The following WDR33 variants were observed in gnomAD, a reference collection of about 807,000 sequenced individuals.
WDR33 encodes the protein pre-mRNA 3' end processing protein WDR33.
WDR33 carries 47 observed loss-of-function variants against 164.9 expected under a neutral mutation model. The ratio of observed to expected loss-of-function variants is 0.29; its 90% confidence interval spans 0.23 to 0.36. The LOEUF (loss-of-function observed/expected upper bound fraction) is 0.36. WDR33 is among the 10% of genes least tolerant of loss of function. The pLI is 1.00. For missense variants in WDR33, 1,137 were observed against 1,754.1 expected (o/e 0.65, Z 6.28); for synonymous variants, 505 against 589.0 (o/e 0.86, Z 2.06).
intron 1 of WDR33, among the ~76,000 whole-genome samples, chr2:127,788,453 G>A (rs1452896895): frequency 4.0e-5 from 5 of 123,890 alleles, no homozygotes; most frequent in East Asian, 2.6e-4. Flanking sequence ...CCCGGACGGG[G>A]CGGCTGGCCG....
intron 1 of WDR33, among the ~76,000 whole-genome samples, chr2:127,805,251 T>C (rs1689395215): frequency 6.6e-6 from 1 of 151,692 alleles, no homozygotes; most frequent in African/African-American, 2.4e-5. Context: ...CATTTTTTTT[T>C]CTTTTTTTAA....
rs547909506 is a variant in WDR33, at chr2:127,752,915, C to CTTTA, written c.724+10143_724+10146dup. Reference sequence around the variant, plus strand: ...AAACTATTTAAATCCACTTATAAGACTTTATTTATTTATTTATTTATTTAT... The same window carrying CTTTA: ...AAACTATTTAAATCCACTTATAAGACTTTATTTATTTATTTATTTATTTATTTAT... On this transcript the variant is annotated intron_variant, in intron 7 of 21. Coordinates refer to ENST00000322313, the MANE Select transcript of WDR33 (RefSeq NM_018383.5). 7.5e-3 allele frequency among the ~76,000 whole-genome samples: 1,137 copies of CTTTA among 152,060 alleles called. 9 individuals are homozygous for CTTTA. The highest frequency in any genetic ancestry group is 0.024 in the African/African-American group (1,012 of 41,500).
chr2:127,701,763 G>T lies in WDR33; in HGVS notation c.*4560C>A, dbSNP rs1332547671. On this transcript the variant is annotated 3_prime_UTR_variant, in exon 22 of 22. Transcript: ENST00000322313. ...CGTGACGCGCGGGCAGCGGCTGGCG[G>T]CGGGCGGCGGGTGCCTGCTGCTGGC... The T allele has an allele frequency of 7.0e-7, 1 of 1,424,094 alleles. No individual in the cohort carries two copies. Among genetic ancestry groups the T allele is most frequent in the Non-Finnish European group, 9.2e-7 (1 of 1,088,538 alleles). The allele number at this position is 1,424,094 out of a possible 1,614,324, so 88.2% of individuals were successfully genotyped here.
At position 127,719,780 on chromosome 2, in the gene WDR33, T is replaced by C. The variant is rs189934915; in HGVS notation, c.2245A>G (p.Met749Val). The C allele has an allele frequency of 4.3e-6, 7 of 1,613,748 alleles. No individual in the cohort carries two copies. The highest frequency in any genetic ancestry group is 2.7e-5 in the African/African-American group (2 of 75,030). ...CCATGAGGATGAGGAGGCCCTTGCA[T>C]TCCTCTGGGACCAGGTGGTCCCTGC... ...GMQGPPGPRG[M>V]QGPPHPHGIQ... The change falls in exon 16 of 22, where the codon ATG becomes GTG. Residue 749 changes from methionine (M) to valine (V), a missense_variant. Met to Val is a conservative substitution (Grantham distance 21, BLOSUM62 1). Around this residue, in one of 9 missense-constraint regions of WDR33, gnomAD observed 867 missense variants for 1,073.0 expected, o/e 0.81. Coordinates refer to ENST00000322313, the MANE Select transcript of WDR33 (RefSeq NM_018383.5). This position sits in a 1 kb window ranked among gnomAD's most constrained non-coding sequence, Gnocchi z 6.5.
chr2:127,716,005 G>T lies in WDR33; in HGVS notation c.2869+1150C>A, dbSNP rs1269160421. On this transcript the variant is annotated intron_variant, in intron 17 of 21. Coordinates refer to ENST00000322313, the MANE Select transcript of WDR33 (RefSeq NM_018383.5). This position sits in a 1 kb window ranked among gnomAD's most constrained non-coding sequence, Gnocchi z 4.5. ...AGGGAAGGAGGTGGAGACAGACACA[G>T]GGCAGGGAGAGGAAGAGAGGCAGCT... 6.6e-6 allele frequency among the ~76,000 whole-genome samples: 1 copy of T among 152,150 alleles called. No homozygotes were observed. The highest frequency in any genetic ancestry group is 1.5e-5 in the Non-Finnish European group (1 of 68,018).
At position 127,714,096 on chromosome 2, in the gene WDR33, T is replaced by A; in HGVS notation, c.2870-75A>T. ...ACATAGGTCTGATCTGTAGCATCTC[T>A]ACATTTCAGAATACATTCTTTATTG... is the stretch of plus-strand genomic sequence containing the variant. On this transcript the variant is annotated intron_variant, in intron 17 of 21. Coordinates refer to ENST00000322313, the MANE Select transcript of WDR33 (RefSeq NM_018383.5). This position sits in a 1 kb window ranked among gnomAD's most constrained non-coding sequence, Gnocchi z 4.3. 1.5e-6 allele frequency: 2 copies of A among 1,376,530 alleles called. No individual in the cohort carries two copies. Among genetic ancestry groups the A allele is most frequent in the Non-Finnish European group, 1.9e-6 (2 of 1,045,752 alleles). The allele number at this position is 1,376,530 out of a possible 1,614,324, so 85.3% of individuals were successfully genotyped here. A position where few individuals can be genotyped will look rare whatever the true frequency, so the allele number is the denominator to read the frequency against.
Position 127,723,323 on chromosome 2 carries a change from TG to T in WDR33, c.1220del (p.Pro407GlnfsTer11), listed in dbSNP as rs1267622677. 6.2e-7 allele frequency: 1 copy of T among 1,613,932 alleles called. No individual in the cohort carries two copies. The highest frequency in any genetic ancestry group is 1.3e-5 in the African/African-American group (1 of 74,940). On this transcript the variant is annotated frameshift_variant, in exon 12 of 22. Coordinates refer to ENST00000322313, the MANE Select transcript of WDR33 (RefSeq NM_018383.5). LOFTEE classifies it high-confidence loss of function. This position sits in a 1 kb window ranked among gnomAD's most constrained non-coding sequence, Gnocchi z 5.9. ...TATATCGATCTCGCATTTTATCACC[TG>T]GTCGGTTTCGAGTCCAGAATTTGCT... ...HTSKFWTRNR[P>X]GDKMRDRYNL...
chr2:127,738,035 G>A lies in WDR33; in HGVS notation c.725-11258C>T. 1 of 1,612,928 alleles carries A rather than the reference G, an allele frequency of 6.2e-7. No individual in the cohort carries two copies. Among genetic ancestry groups the A allele is most frequent in the South Asian group, 1.1e-5 (1 of 90,866 alleles). The stretch of plus-strand genomic sequence containing the variant: ...TCTTGACAGAAAGGAAGTAACAACG[G>A]CAGTGATGAAAACATGTATCTATCA... On this transcript the variant is annotated intron_variant, in intron 7 of 21. Coordinates refer to ENST00000322313, the MANE Select transcript of WDR33 (RefSeq NM_018383.5). The surrounding 1 kb of genome is among the most constrained non-coding windows in gnomAD (Gnocchi z 4.4).
At chr2:127,745,442 G>A (rs952768624) in intron 7 of WDR33, among the ~76,000 whole-genome samples, 2 of 152,070 alleles carry the variant, frequency 1.3e-5, no homozygotes, top group African/African-American at 2.4e-5. Flanking sequence ...GAAATATGGC[G>A]GAGTGAAGGT....
chr2:127,737,353 G>A (rs1686876060), intron 7 of WDR33: 8 of 985,414 alleles, frequency 8.1e-6, no homozygotes, highest in Non-Finnish European at 9.6e-6. Context: ...TCTGAGGTGT[G>A]TGTGTACATA....
intron 7 of WDR33, among the ~76,000 whole-genome samples, chr2:127,743,909 T>C (rs1687096417): frequency 6.6e-6 from 1 of 152,204 alleles, no homozygotes; most frequent in Admixed American, 6.5e-5. Context: ...TGTGAAATTC[T>C]GATGACCACA....
intron 17 of WDR33, among the ~76,000 whole-genome samples, chr2:127,715,904 G>T (rs1255448935): frequency 6.6e-6 from 1 of 152,122 alleles, no homozygotes; most frequent in Non-Finnish European, 1.5e-5. Flanking sequence ...TCTCCCTTTG[G>T]TCCCTGGGAG....
chr2:127,734,715 A>G (rs1264045649), intron 7 of WDR33, among the ~76,000 whole-genome samples: 3 of 152,224 alleles, frequency 2.0e-5, no homozygotes, highest in Non-Finnish European at 4.4e-5. Flanking sequence ...GTAGGGTTAC[A>G]TAGTGCTAGA....
At chr2:127,746,041 T>TAAAA (rs59854828) in intron 7 of WDR33, among the ~76,000 whole-genome samples, 6 of 99,898 alleles carry the variant, frequency 6.0e-5, no homozygotes, top group African/African-American at 2.1e-4. Flanking sequence ...ATAAAATAAT[T>TAAAA]AAAAAAAAAA....
rs889592775 is a variant in WDR33, at chr2:127,741,928, C to T, written c.725-15151G>A. On this transcript the variant is annotated intron_variant, in intron 7 of 21. Coordinates refer to ENST00000322313, the MANE Select transcript of WDR33 (RefSeq NM_018383.5). The surrounding 1 kb of genome is among the most constrained non-coding windows in gnomAD (Gnocchi z 4.1). ...AAAAATAACACTTTCCGGCTGGGCA[C>T]GGTGGCTCACACCTGTAATCCCAGC... is the stretch of plus-strand genomic sequence containing the variant. Among the ~76,000 whole-genome samples the T allele has an allele frequency of 3.0e-4, 45 of 152,232 alleles. No individual in the cohort carries two copies. The highest frequency in any genetic ancestry group is 2.1e-4 in the Non-Finnish European group (14 of 68,006).
intron 7 of WDR33, among the ~76,000 whole-genome samples, chr2:127,732,640 C>T (rs548407603): frequency 6.6e-6 from 1 of 152,226 alleles, no homozygotes; most frequent in African/African-American, 2.4e-5. Context: ...TCAATTAATG[C>T]TTTCATTTGC....
rs1277563227 is a variant in WDR33, at chr2:127,738,567, G to A, written c.725-11790C>T. Among the ~76,000 whole-genome samples, 1 of 152,018 alleles carries A rather than the reference G, an allele frequency of 6.6e-6. No individual in the cohort carries two copies. The highest frequency in any genetic ancestry group is 1.5e-5 in the Non-Finnish European group (1 of 68,014). ...AGAAACTTGACAAACTCTACCTCAA[G>A]CAGATGATCAAGATCAACATCAAGT... On this transcript the variant is annotated intron_variant, in intron 7 of 21. Transcript: ENST00000322313. This position sits in a 1 kb window ranked among gnomAD's most constrained non-coding sequence, Gnocchi z 4.4.
rs550950580 is a variant in WDR33, at chr2:127,778,593, G to A, written c.-23-7589C>T. Among the ~76,000 whole-genome samples, 6 of 152,202 alleles carry A rather than the reference G, an allele frequency of 3.9e-5. No homozygotes were observed. The East Asian group carries it at 1.2e-3, about 29-fold the overall frequency. ...AGAAGAGCTCAAAAGAACAATGTGAGAAGTTACTACTACACTGAGACACTA... is the reference window on the plus strand; with the variant it reads ...AGAAGAGCTCAAAAGAACAATGTGAAAAGTTACTACTACACTGAGACACTA... On this transcript the variant is annotated intron_variant, in intron 1 of 21. Transcript: ENST00000322313.
chr2:127,809,477 C>G (rs1689568043), intron 1 of WDR33, among the ~76,000 whole-genome samples: 1 of 143,462 alleles, frequency 7.0e-6, no homozygotes, highest in Admixed American at 7.2e-5. Context: ...GCTCTGTTGC[C>G]CAGGCTAGAG....
Sources: gnomAD v4.1 joint callset for allele counts (sites outside exome capture counted in the v4.1 genomes callset) on GRCh38, gnomAD v4.1.1 for gene constraint, gnomAD v4.1.1 regional missense constraint, Gnocchi (gnomAD v3.1) non-coding constraint, MANE v1.5 for transcripts, NCBI Gene and HGNC (gene_info 2026-07-23, HGNC 2026-07-21) for gene names.